Variants in DCDC2C observed in about 807,000 individuals in gnomAD.
The protein encoded by DCDC2C is doublecortin domain-containing protein 2C.
A neutral mutation model predicts 45.0 loss-of-function variants in DCDC2C; 44 were observed. The ratio of observed to expected loss-of-function variants is 0.98; its 90% confidence interval spans 0.77 to 1.26. The LOEUF is 1.26. DCDC2C is among the 50% of genes most tolerant of loss of function. DCDC2C has a pLI of 0.00. For synonymous variants in DCDC2C, 187 were observed against 178.8 expected (o/e 1.05, Z -0.37); for missense variants, 447 against 468.9 (o/e 0.95, Z 0.43).
chr2:3,764,684 C>CTAAA (rs1558215762), intron 6 of DCDC2C, among the ~76,000 whole-genome samples: 1 of 152,178 alleles, frequency 6.6e-6, no homozygotes, highest in Non-Finnish European at 1.5e-5. Flanking sequence ...TGGACTAATA[C>CTAAA]ATAGCCAACT....
At chr2:3,773,172 C>T (rs916625216) in intron 8 of DCDC2C, among the ~76,000 whole-genome samples, 1 of 152,066 alleles carries the variant, frequency 6.6e-6, no homozygotes, top group Non-Finnish European at 1.5e-5. Flanking sequence ...AGCTGTGGGG[C>T]GTGGCCGGCT....
Position 3,720,244 on chromosome 2 carries a change from A to G in DCDC2C, c.340-6759A>G, listed in dbSNP as rs114529856. 4.6e-3 allele frequency among the ~76,000 whole-genome samples: 706 copies of G among 152,334 alleles called. 8 individuals carry two copies. The highest frequency in any genetic ancestry group is 0.015 in the African/African-American group (630 of 41,582). On this transcript the variant is annotated intron_variant, in intron 2 of 10. Coordinates refer to ENST00000399143, the MANE Select transcript of DCDC2C (RefSeq NM_001287444.2). ...TTGCCAGCCATGGTAAGGGTCTGTG[A>G]GGACGTAGCAAAACGTTGTGGTTTG...
chr2:3,703,772 C>A lies in DCDC2C; in HGVS notation c.21C>A (p.Ser7=). MGTRGP[S]APVDTTPAKT... ...CGGCTATGGGAACCCGCGGGCCCTC[C>A]GCGCCGGTGGACACCACGCCCGCCA... Residue 7 remains serine (S), a synonymous_variant, in exon 1 of 11, where the codon TCC becomes TCA. Transcript: ENST00000399143. The surrounding 1 kb of genome is among the most constrained non-coding windows in gnomAD (Gnocchi z 4.4). 1 of 1,235,154 alleles carries A rather than the reference C, an allele frequency of 8.1e-7. No homozygotes were observed. Among genetic ancestry groups the A allele is most frequent in the East Asian group, 3.2e-5 (1 of 31,618 alleles). 76.5% of individuals were successfully genotyped at this position (1,235,154 alleles called of 1,614,324 possible).
chr2:3,739,369 T>C (rs1472617490), intron 3 of DCDC2C, among the ~76,000 whole-genome samples: 2 of 149,566 alleles, frequency 1.3e-5, no homozygotes, highest in Non-Finnish European at 3.0e-5. Context: ...CCTGCCCAAA[T>C]GTTGCATTTC....
At chr2:3,803,544 TA>T (rs1370908204) in intron 10 of DCDC2C, among the ~76,000 whole-genome samples, 1 of 152,280 alleles carries the variant, frequency 6.6e-6, no homozygotes, top group East Asian at 1.9e-4. Flanking sequence ...AAACCTCTGC[TA>T]ACTTTGATTT....
At chr2:3,783,090 C>T (rs1019737005) in intron 9 of DCDC2C, among the ~76,000 whole-genome samples, 14 of 152,058 alleles carry the variant, frequency 9.2e-5, no homozygotes, top group African/African-American at 2.7e-4. Flanking sequence ...TAGGAGTGGT[C>T]GGGTATTGTG....
chr2:3,726,902 C>A, intron 2 of DCDC2C, 101 bp from the exon 3 acceptor site: 1 of 1,068,772 alleles, frequency 9.4e-7, no homozygotes, highest in Non-Finnish European at 1.4e-6. Flanking sequence ...AGGGGTTCCC[C>A]CCCTTTCTTA....
At chr2:3,814,697 C>T (rs1355909626) in intron 10 of DCDC2C, among the ~76,000 whole-genome samples, 1 of 152,202 alleles carries the variant, frequency 6.6e-6, no homozygotes, top group Non-Finnish European at 1.5e-5. Context: ...CTGTGGCCAC[C>T]CCTCCCATTA....
chr2:3,784,642 GTTGA>G (rs1446680931), intron 9 of DCDC2C, among the ~76,000 whole-genome samples: 2 of 151,974 alleles, frequency 1.3e-5, no homozygotes, highest in Admixed American at 1.3e-4. Flanking sequence ...CACAGGGTTG[GTTGA>G]TTAACTTATG....
chr2:3,833,178 C>T (rs894741747), intron 10 of DCDC2C, among the ~76,000 whole-genome samples: 5 of 152,196 alleles, frequency 3.3e-5, no homozygotes, highest in African/African-American at 1.2e-4. Flanking sequence ...CTGTCTTCCT[C>T]GTCCACTTTT....
At chr2:3,779,224 G>A (rs1670441401) in intron 9 of DCDC2C, among the ~76,000 whole-genome samples, 1 of 152,258 alleles carries the variant, frequency 6.6e-6, no homozygotes, top group Non-Finnish European at 1.5e-5. Flanking sequence ...CAGCAGGTGT[G>A]CAGGTGGCTG....
chr2:3,717,446 C>A lies in DCDC2C; in HGVS notation c.339+8846C>A, dbSNP rs560809028. On this transcript the variant is annotated intron_variant, in intron 2 of 10. Transcript: ENST00000399143. Reference sequence around the variant, plus strand: ...TCAACCCTTCACTCTCCCAGAAACGCCCCCAGTCCCTCCCTGCCCACCCAT... The same window carrying A: ...TCAACCCTTCACTCTCCCAGAAACGACCCCAGTCCCTCCCTGCCCACCCAT... Among the ~76,000 whole-genome samples the A allele has an allele frequency of 2.0e-3, 297 of 152,170 alleles. 1 individual carries two copies. Among genetic ancestry groups the A allele is most frequent in the African/African-American group, 6.8e-3 (284 of 41,508 alleles).
chr2:3,711,319 C>G (rs998278875), intron 2 of DCDC2C, among the ~76,000 whole-genome samples: 3 of 152,088 alleles, frequency 2.0e-5, no homozygotes, highest in South Asian at 4.1e-4. Context: ...ATAAATCATC[C>G]TGTCATAAAG....
At chr2:3,736,128 A>G (rs1669016822) in intron 3 of DCDC2C, among the ~76,000 whole-genome samples, 1 of 152,182 alleles carries the variant, frequency 6.6e-6, no homozygotes, top group Non-Finnish European at 1.5e-5. Flanking sequence ...AGGGAAGCAG[A>G]AGAACTTAAG....
chr2:3,785,300 A>G (rs1289006560), intron 10 of DCDC2C, among the ~76,000 whole-genome samples, 200 bp downstream of exon 10: 1 of 152,164 alleles, frequency 6.6e-6, no homozygotes, highest in African/African-American at 2.4e-5. Context: ...GGCCTTTCAC[A>G]TGGGTGGATG....
At chr2:3,810,671 A>G (rs1671371330) in intron 10 of DCDC2C, among the ~76,000 whole-genome samples, 1 of 152,190 alleles carries the variant, frequency 6.6e-6, no homozygotes, top group Non-Finnish European at 1.5e-5. Context: ...TGTGTCCTGA[A>G]TGGTATTACC....
intron 2 of DCDC2C, among the ~76,000 whole-genome samples, chr2:3,709,391 A>G (rs1668149427): frequency 1.3e-5 from 2 of 152,240 alleles, no homozygotes; most frequent in African/African-American, 4.8e-5. Context: ...CATCTTACAG[A>G]AGCGGCTCTT....
rs141161524 is a variant in DCDC2C at position 3,737,751 on chromosome 2, T to C, written c.417-4169T>C. 1.1e-3 allele frequency among the ~76,000 whole-genome samples: 162 copies of C among 152,354 alleles called. 1 individual carries two copies. Among genetic ancestry groups the C allele is most frequent in the African/African-American group, 3.5e-3 (147 of 41,580 alleles). ...GACTCTCTAAAGTGTTCATGGCTAGTGCTGAGGAAATGGCAGCTGTCATCG... is the reference window on the plus strand; with the variant it reads ...GACTCTCTAAAGTGTTCATGGCTAGCGCTGAGGAAATGGCAGCTGTCATCG... On this transcript the variant is annotated intron_variant, in intron 3 of 10. Transcript: ENST00000399143.
At chr2:3,725,482 GAA>G (rs1668628000) in intron 2 of DCDC2C, among the ~76,000 whole-genome samples, 1 of 100,516 alleles carries the variant, frequency 9.9e-6, no homozygotes, top group African/African-American at 3.4e-5. Flanking sequence ...GATCCCAGAG[GAA>G]GACGAGCAGA....
Sources: gnomAD v4.1 joint callset for allele counts (sites outside exome capture counted in the v4.1 genomes callset) on GRCh38, gnomAD v4.1.1 for gene constraint, Gnocchi (gnomAD v3.1) non-coding constraint, MANE v1.5 for transcripts, NCBI Gene and HGNC (gene_info 2026-07-23, HGNC 2026-07-21) for gene names.